USP32: variants seen among roughly 807,000 people sequenced by gnomAD.
USP32 encodes the protein ubiquitin specific peptidase 32, also known as ubiquitin carboxyl-terminal hydrolase 32.
USP32 carries 59 observed loss-of-function variants against 204.8 expected under a neutral mutation model. That is an observed-to-expected ratio of 0.29 (90% CI 0.23 to 0.36). The LOEUF is 0.36. Among genes scored for constraint, USP32 ranks in the 10% least tolerant of loss-of-function variants. USP32 has a pLI of 1.00. For missense variants in USP32, 1,160 were observed against 1,946.4 expected, an observed-to-expected ratio of 0.60 and a Z score of 7.60; for synonymous variants, 517 against 678.4, an observed-to-expected ratio of 0.76 and a Z score of 3.70.
chr17:60,236,137 C>T lies in USP32; in HGVS notation c.1239+1G>A, dbSNP rs766828112. On this transcript the variant is annotated splice_donor_variant, in intron 12 of 33. Coordinates refer to ENST00000300896, the MANE Select transcript of USP32 (RefSeq NM_032582.4). LOFTEE classifies it high-confidence loss of function. ...TGTAAATAGACAGGAATCTAACTCACGTATTTGACATATTCTTTCCACTGT... is the reference window on the plus strand; with the variant it reads ...TGTAAATAGACAGGAATCTAACTCATGTATTTGACATATTCTTTCCACTGT... 1.2e-6 allele frequency: 2 copies of T among 1,612,298 alleles called. No homozygotes were observed. Among genetic ancestry groups the T allele is most frequent in the Non-Finnish European group, 1.7e-6 (2 of 1,178,572 alleles).
intron 9 of USP32, among the ~76,000 whole-genome samples, chr17:60,259,581 A>G (rs72843529): frequency 2.0e-5 from 3 of 152,180 alleles, no homozygotes; most frequent in Non-Finnish European, 4.4e-5. Context: ...ACAAATTACC[A>G]TAAAATAACA....
At chr17:60,359,237 A>C (rs2089152521) in intron 1 of USP32, among the ~76,000 whole-genome samples, 1 of 152,102 alleles carries the variant, frequency 6.6e-6, no homozygotes, top group South Asian at 2.1e-4. Context: ...TTCAATATCA[A>C]ATTCTCAATG....
intron 5 of USP32, among the ~76,000 whole-genome samples, chr17:60,286,132 T>A (rs6503956): frequency 0.13 from 18,816 of 142,140 alleles, 2,501 homozygotes; most frequent in African/African-American, 0.36. Context: ...TGAGACAGTG[T>A]GTCCAAAAAA....
intron 1 of USP32, among the ~76,000 whole-genome samples, chr17:60,413,177 C>T (rs1225580297): frequency 6.6e-6 from 1 of 152,158 alleles, no homozygotes; most frequent in African/African-American, 2.4e-5. Context: ...TGGAGAGATG[C>T]TCATGACTTA....
chr17:60,247,660 CTTGTTTGTTTGTTTTGGTTTTTTTT>C (rs1343432990), intron 11 of USP32, among the ~76,000 whole-genome samples: 2 of 150,698 alleles, frequency 1.3e-5, no homozygotes, highest in Non-Finnish European at 3.0e-5. Context: ...GGGGGTTTTG[CTTGTTTGTTTGTTTTGGTTTTTTTT>C]TTGTTTGTTT....
Position 60,180,539 on chromosome 17 carries a change from G to A in USP32, c.4641+6C>T, listed in dbSNP as rs1275600380. ...TAACTTTCATTCAAAGACTGAGAAT[G>A]TTTACCTTACAGCTGCTGTCATTGT... On this transcript the variant is annotated splice_donor_region_variant and intron_variant, in intron 33 of 33. Coordinates refer to ENST00000300896, the MANE Select transcript of USP32 (RefSeq NM_032582.4). 3.7e-6 allele frequency: 6 copies of A among 1,613,150 alleles called. No individual in the cohort carries two copies. Among genetic ancestry groups the A allele is most frequent in the African/African-American group, 1.3e-5 (1 of 74,888 alleles).
chr17:60,198,467 A>G, intron 26 of USP32, 23 bp from the exon 27 acceptor site: 3 of 1,611,028 alleles, frequency 1.9e-6, no homozygotes, highest in East Asian at 2.2e-5. Context: ...ACAAGAGAAT[A>G]GAGAGTTCAG....
intron 1 of USP32, among the ~76,000 whole-genome samples, chr17:60,370,518 T>C (rs1258917070): frequency 1.3e-5 from 2 of 151,794 alleles, no homozygotes; most frequent in South Asian, 4.2e-4. Context: ...CCCAACACTT[T>C]GGGAGGCCGA....
chr17:60,337,529 G>A (rs2088550392), intron 2 of USP32, among the ~76,000 whole-genome samples: 2 of 152,144 alleles, frequency 1.3e-5, no homozygotes, highest in Admixed American at 6.6e-5. Flanking sequence ...TATACAATAT[G>A]CACAGCACTC....
chr17:60,294,810 A>G lies in USP32; in HGVS notation c.293-9T>C. 1 of 1,559,374 alleles carries G rather than the reference A, an allele frequency of 6.4e-7. No individual in the cohort carries two copies. The highest frequency in any genetic ancestry group is 8.8e-7 in the Non-Finnish European group (1 of 1,134,942). On this transcript the variant is annotated splice_polypyrimidine_tract_variant and intron_variant, in intron 3 of 33. Coordinates refer to ENST00000300896, the MANE Select transcript of USP32 (RefSeq NM_032582.4). The stretch of plus-strand genomic sequence containing the variant: ...AAAAAGACTAAAAATGTCTAAGAAA[A>G]AGAAAGATAGAATAAATTAATCTTA...
Position 60,196,270 on chromosome 17 carries a change from C to CAAA in USP32, c.3434+1987_3434+1989dup, listed in dbSNP as rs749074954. ...ACAGAGCAAGATTCTATCCCCACGC[C>CAAA]AAAAAAAGAAAAAAAAAAAAGAAGT... On this transcript the variant is annotated intron_variant, in intron 27 of 33. Transcript: ENST00000300896. 9.7e-4 allele frequency among the ~76,000 whole-genome samples: 125 copies of CAAA among 129,184 alleles called. 1 individual carries two copies. Among genetic ancestry groups the CAAA allele is most frequent in the African/African-American group, 2.4e-3 (70 of 28,918 alleles). The allele number at this position is 129,184 out of a possible 152,430, so 84.7% of individuals were successfully genotyped here.
At chr17:60,231,645 C>T (rs1271534578) in intron 12 of USP32, 3 of 499,542 alleles carry the variant, frequency 6.0e-6, no homozygotes, top group East Asian at 5.5e-5. Flanking sequence ...GGGAGAGAGG[C>T]ACGAAAGGTG....
chr17:60,255,289 C>CT (rs780961959), intron 9 of USP32, 31 bp from the exon 10 acceptor site: 93 of 1,157,188 alleles, frequency 8.0e-5, no homozygotes, highest in Middle Eastern at 7.2e-4. Context: ...TTAGGAACAT[C>CT]TTTTTTTTCT....
At chr17:60,394,079 GT>G (rs1306996603), upstream of USP32, among the ~76,000 whole-genome samples, 4 of 152,332 alleles carry the variant, frequency 2.6e-5, no homozygotes, top group East Asian at 7.7e-4. Context: ...CTGTGAGGTG[GT>G]TAATTTTAAG....
At chr17:60,390,193 C>G (rs73322608) in intron 1 of USP32, among the ~76,000 whole-genome samples, 87 of 152,316 alleles carry the variant, frequency 5.7e-4, no homozygotes, top group African/African-American at 2.0e-3. Context: ...TATTTACAAA[C>G]GTACCATCTT....
chr17:60,349,664 C>CAT (rs2088901393), intron 1 of USP32, among the ~76,000 whole-genome samples: 1 of 91,608 alleles, frequency 1.1e-5, no homozygotes, highest in South Asian at 2.9e-4. Flanking sequence ...CATATATATA[C>CAT]ACATATATAT....
intron 1 of USP32, among the ~76,000 whole-genome samples, chr17:60,407,697 GCTTGAACC>G (rs2089987855): frequency 6.7e-6 from 1 of 148,636 alleles, no homozygotes. Flanking sequence ...CAGAAGAATT[GCTTGAACC>G]CAGGAGGCGG....
intron 16 of USP32, among the ~76,000 whole-genome samples, chr17:60,214,993 G>C (rs1462586607): frequency 1.3e-5 from 2 of 151,050 alleles, no homozygotes; most frequent in East Asian, 1.9e-4. Flanking sequence ...TTAATAGATG[G>C]AGTCTTGTTA....
chr17:60,418,525 A>G (rs970100783), intron 1 of USP32, among the ~76,000 whole-genome samples: 2 of 151,986 alleles, frequency 1.3e-5, no homozygotes, highest in African/African-American at 4.8e-5. Context: ...ATCTAATTAA[A>G]CTAAAGAGCT....
Sources: allele counts gnomAD v4.1 joint callset (sites outside exome capture counted in the v4.1 genomes callset), GRCh38; gene constraint gnomAD v4.1.1; transcripts MANE v1.5; gene names NCBI Gene and HGNC (gene_info 2026-07-23, HGNC 2026-07-21).